Variants in SSTR3 observed in about 807,000 individuals in gnomAD.
The protein encoded by SSTR3 is somatostatin receptor 3, also known as somatostatin receptor type 3.
For synonymous variants in SSTR3, 281 were observed against 269.2 expected (o/e 1.04, Z -0.43); for missense variants, 504 against 604.7 (o/e 0.83, Z 1.75).
At chr22:37,217,629 T>C in the SSTR3 span, among the ~76,000 whole-genome samples, 2 of 152,160 alleles carry the variant, frequency 1.3e-5, no homozygotes, top group African/African-American at 4.8e-5. Flanking sequence ...AGTCCCTCTT[T>C]TTTTAAATCA....
upstream of SSTR3, among the ~76,000 whole-genome samples, chr22:37,212,997 A>G (rs544637969): frequency 5.9e-5 from 9 of 152,358 alleles, no homozygotes; most frequent in East Asian, 1.7e-3. Context: ...TGTAACTGAC[A>G]AAACTCAAAA....
At chr22:37,212,509 G>T (rs990630097), upstream of SSTR3, among the ~76,000 whole-genome samples, 1 of 149,866 alleles carries the variant, frequency 6.7e-6, no homozygotes, top group Non-Finnish European at 1.5e-5. Context: ...CGGAGAGCAG[G>T]TGTGGGGGGT....
the SSTR3 span, among the ~76,000 whole-genome samples, chr22:37,220,053 T>G: frequency 1.1e-4 from 17 of 152,296 alleles, no homozygotes; most frequent in Middle Eastern, 3.4e-3. Flanking sequence ...GGTCCTTCTG[T>G]GTGTTTGAGC....
At position 37,212,470 on chromosome 22, in the gene SSTR3, G is replaced by A. The variant is rs1171916302; in HGVS notation, c.-682C>T. The A allele has an allele frequency of 1.3e-5, 2 of 150,660 alleles. No homozygotes were observed. The highest frequency in any genetic ancestry group is 3.0e-5 in the Non-Finnish European group (2 of 67,698). 9.3% of individuals were successfully genotyped at this position (150,660 alleles called of 1,614,324 possible). ...AGATGGTGACATGGAGCCCGTGAAG[G>A]AGGGAGTAAGCAGGGAGGGGCTGAG... On this transcript the variant is annotated 5_prime_UTR_variant, in exon 1 of 2. Coordinates refer to ENST00000610913, the MANE Select transcript of SSTR3 (RefSeq NM_001051.5).
Position 37,207,822 on chromosome 22 carries a change from C to A in SSTR3, c.-19G>T. On this transcript the variant is annotated 5_prime_UTR_variant, in exon 2 of 2. The change abolishes the stop of an existing upstream ORF in the 5' untranslated region. Transcript: ENST00000610913. ...TGTCCATGGCTGAGGGGAGGGTGGTCAGCAGTCAGCTATTTGCCTGGGGGA... is the reference window on the plus strand; with the variant it reads ...TGTCCATGGCTGAGGGGAGGGTGGTAAGCAGTCAGCTATTTGCCTGGGGGA... The A allele has an allele frequency of 2.0e-6, 3 of 1,488,832 alleles. No individual in the cohort carries two copies. In the South Asian group the frequency reaches 4.2e-5, roughly 21 times the overall value. 92.2% of individuals were successfully genotyped at this position (1,488,832 alleles called of 1,614,324 possible). A position where few individuals can be genotyped will look rare whatever the true frequency, so the allele number is the denominator to read the frequency against.
chr22:37,207,738 C>T lies in SSTR3; in HGVS notation c.66G>A (p.Trp22Ter). 2 of 1,526,302 alleles carry T rather than the reference C, an allele frequency of 1.3e-6. No homozygotes were observed. Among genetic ancestry groups the T allele is most frequent in the South Asian group, 1.3e-5 (1 of 77,098 alleles). The allele number at this position is 1,526,302 out of a possible 1,614,324, so 94.5% of individuals were successfully genotyped here. Reference protein sequence around the residue: ...TSEPENASSAWPPDATLGNVS... With the variant: ...TSEPENASSA ...CGTTGCCCAGGGTGGCATCTGGGGG[C>T]CAGGCCGAGGAGGCATTCTCAGGTT... The change falls in exon 2 of 2, where the codon TGG (tryptophan) becomes TGA (stop). Residue 22 changes from tryptophan to a stop codon, truncating the protein, a stop_gained. Transcript: ENST00000610913. LOFTEE classifies it low-confidence loss of function (END_TRUNC).
the SSTR3 span, among the ~76,000 whole-genome samples, chr22:37,218,797 G>C: frequency 1.3e-5 from 2 of 151,924 alleles, no homozygotes; most frequent in Admixed American, 1.3e-4. Context: ...TAATGGAAAA[G>C]AGAAGACCTG....
intron 1 of SSTR3, among the ~76,000 whole-genome samples, chr22:37,208,569 T>C (rs1925993404): frequency 6.6e-6 from 1 of 152,190 alleles, no homozygotes; most frequent in Non-Finnish European, 1.5e-5. Context: ...ACAATTCACT[T>C]AGCAGATGCT....
In SSTR3 at chr22:37,207,080, C is replaced by G. The variant is rs577113986; in HGVS notation, c.724G>C (p.Ala242Pro). ...CGCCGCCGCCGCTGGCACGAGGGTG[C>G]CCACACCCGGCGCCCAGCTGAGCGC... Reference protein sequence around the residue: ...KVRSAGRRVWAPSCQRRRRSE... With the variant: ...KVRSAGRRVWPPSCQRRRRSE... Residue 242 changes from alanine (A) to proline (P), a missense_variant, in exon 2 of 2, where the codon GCA becomes CCA. Physicochemically the swap from Ala to Pro is conservative, Grantham distance 27. Transcript: ENST00000610913. 7.3e-5 allele frequency: 118 copies of G among 1,612,248 alleles called. No individual in the cohort carries two copies. In the East Asian group the frequency reaches 2.5e-3, roughly 35 times the overall value.
chr22:37,207,662 G>C lies in SSTR3; in HGVS notation c.142C>G (p.Pro48Ala). Residue 48 changes from proline to alanine, a missense_variant, in exon 2 of 2, where the codon CCC (proline) becomes GCC (alanine). Physicochemically the swap from Pro to Ala is conservative, Grantham distance 27. Transcript: ENST00000610913. Reference sequence around the variant, plus strand: ...ACGCACACCACCAGGTAGACCAGGGGGATCAGAACGCCACTGACGGCCAGC... The same window carrying C: ...ACGCACACCACCAGGTAGACCAGGGCGATCAGAACGCCACTGACGGCCAGC... The part of the protein sequence containing the change: ...AGLAVSGVLI[P>A]LVYLVVCVVG... 6.3e-7 allele frequency: 1 copy of C among 1,583,156 alleles called. No homozygotes were observed. The highest frequency in any genetic ancestry group is 8.6e-7 in the Non-Finnish European group (1 of 1,160,738).
the SSTR3 span, among the ~76,000 whole-genome samples, chr22:37,217,861 A>C: frequency 6.6e-6 from 1 of 151,866 alleles, no homozygotes; most frequent in African/African-American, 2.4e-5. Context: ...ATGCCACCAC[A>C]CCCAGCTAAT....
the SSTR3 span, among the ~76,000 whole-genome samples, chr22:37,218,734 C>G: frequency 6.6e-6 from 1 of 152,020 alleles, no homozygotes; most frequent in African/African-American, 2.4e-5. Context: ...GTCCAGAGAA[C>G]TCTGGCTGAA....
At position 37,205,039 on chromosome 22, in the gene SSTR3, TG is replaced by T. The variant is rs1569076652; in HGVS notation, c.*1507del. On this transcript the variant is annotated 3_prime_UTR_variant, in exon 2 of 2. Transcript: ENST00000610913. Reference sequence around the variant, plus strand: ...AGCCTTGGATGGTGGCTGCTCCCCATGGTCCCCCTCCACAGTCCCACTTCAG... The same window carrying T: ...AGCCTTGGATGGTGGCTGCTCCCCATGTCCCCCTCCACAGTCCCACTTCAG... 1 of 152,572 alleles carries T rather than the reference TG, an allele frequency of 6.6e-6. No homozygotes were observed. Among genetic ancestry groups the T allele is most frequent in the African/African-American group, 2.4e-5 (1 of 41,458 alleles). 9.5% of individuals were successfully genotyped at this position (152,572 alleles called of 1,614,324 possible).
chr22:37,207,927 T>C lies in SSTR3; in HGVS notation c.-36-88A>G. 7 of 1,358,992 alleles carry C rather than the reference T, an allele frequency of 5.2e-6. No homozygotes were observed. In the South Asian group the frequency reaches 1.4e-4, roughly 27 times the overall value. 84.2% of individuals were successfully genotyped at this position (1,358,992 alleles called of 1,614,324 possible). On this transcript the variant is annotated intron_variant, in intron 1 of 1. Coordinates refer to ENST00000610913, the MANE Select transcript of SSTR3 (RefSeq NM_001051.5). Reference sequence around the variant, plus strand: ...CATCATGCCGAACCTGGGGACCTGCTGCACGCCCATCCTCCCATCGTCTGA... The same window carrying C: ...CATCATGCCGAACCTGGGGACCTGCCGCACGCCCATCCTCCCATCGTCTGA...
chr22:37,217,318 ATT>A (rs35797640), upstream of SSTR3, among the ~76,000 whole-genome samples: 3 of 132,784 alleles, frequency 2.3e-5, no homozygotes, highest in East Asian at 1.9e-4. Flanking sequence ...ACTTAAGCTA[ATT>A]TTTTTATTAT....
the SSTR3 span, among the ~76,000 whole-genome samples, chr22:37,217,844 C>T: frequency 6.6e-6 from 1 of 152,160 alleles, no homozygotes; most frequent in Non-Finnish European, 1.5e-5. Context: ...GCTGGGATTA[C>T]AGGCACATGC....
chr22:37,207,037 G>A lies in SSTR3; in HGVS notation c.767C>T (p.Thr256Met), dbSNP rs370263249. Residue 256 changes from threonine to methionine, a missense_variant, in exon 2 of 2, where the codon ACG becomes ATG. Thr to Met is a moderately conservative substitution (Grantham distance 81). Coordinates refer to ENST00000610913, the MANE Select transcript of SSTR3 (RefSeq NM_001051.5). ...CGCCACCACGGCCACCACCATGCGC[G>A]TGACCCTGCGTTCGGAGCGCCGCCG... is the stretch of plus-strand genomic sequence containing the variant. ...QRRRRSERRV[T>M]RMVVAVVALF... 20 of 1,612,702 alleles carry A rather than the reference G, an allele frequency of 1.2e-5. No homozygotes were observed. The highest frequency in any genetic ancestry group is 4.5e-5 in the East Asian group (2 of 44,892).
In SSTR3 at chr22:37,210,737, C is replaced by T. The variant is rs35071759; in HGVS notation, c.-37+1088G>A. 6.8e-5 allele frequency: 67 copies of T among 985,414 alleles called. No homozygotes were observed. The East Asian group carries it at 7.0e-3, about 104-fold the overall frequency. 61.0% of individuals were successfully genotyped at this position (985,414 alleles called of 1,614,324 possible). A position where few individuals can be genotyped will look rare whatever the true frequency, so the allele number is the denominator to read the frequency against. On this transcript the variant is annotated intron_variant, in intron 1 of 1. Transcript: ENST00000610913. ...GAGAGGGTGAGTGGCTGTCCTGAGC[C>T]GCACAGCCCTAACAGTTCAGGGAGG...
In SSTR3 at chr22:37,207,808, G is replaced by C; in HGVS notation, c.-5C>G. 6.7e-7 allele frequency: 1 copy of C among 1,500,356 alleles called. No individual in the cohort carries two copies. The highest frequency in any genetic ancestry group is 8.9e-7 in the Non-Finnish European group (1 of 1,125,340). 92.9% of individuals were successfully genotyped at this position (1,500,356 alleles called of 1,614,324 possible). A position where few individuals can be genotyped will look rare whatever the true frequency, so the allele number is the denominator to read the frequency against. ...TGATGGATGAAGCATGTCCATGGCT[G>C]AGGGGAGGGTGGTCAGCAGTCAGCT... On this transcript the variant is annotated 5_prime_UTR_variant, in exon 2 of 2. Transcript: ENST00000610913.
Sources: gnomAD v4.1 joint callset for allele counts (sites outside exome capture counted in the v4.1 genomes callset) on GRCh38, gnomAD v4.1.1 for gene constraint, MANE v1.5 for transcripts, NCBI Gene and HGNC (gene_info 2026-07-23, HGNC 2026-07-21) for gene names.